CAB39: variants seen among roughly 807,000 people sequenced by gnomAD.
CAB39 encodes calcium binding protein 39.
CAB39 carries 8 observed loss-of-function variants against 40.0 expected under a neutral mutation model. The ratio of observed to expected loss-of-function variants is 0.20; its 90% CI spans 0.12 to 0.36. The LOEUF (loss-of-function observed/expected upper bound fraction) is 0.36. CAB39 is among the 10% of genes least tolerant of loss of function. The pLI, the probability that CAB39 is intolerant of heterozygous loss-of-function variation, is 1.00. For synonymous variants in CAB39, 156 were observed against 141.6 expected (o/e 1.10, Z -0.72); for missense variants, 270 against 401.1 (o/e 0.67, Z 2.79).
chr2:230,792,417 C>T (rs187650351), intron 3 of CAB39, among the ~76,000 whole-genome samples: 59 of 152,306 alleles, frequency 3.9e-4, no homozygotes, highest in African/African-American at 1.4e-3. Context: ...CCAGGATGAT[C>T]TCTCTGTCTG....
chr2:230,792,366 T>C (rs1241694359), intron 3 of CAB39, among the ~76,000 whole-genome samples: 1 of 152,204 alleles, frequency 6.6e-6, no homozygotes, highest in Non-Finnish European at 1.5e-5. Context: ...TAAGGCTGGT[T>C]CTTAGAGATT....
At chr2:230,769,063 G>T (rs1055163625) in intron 2 of CAB39, among the ~76,000 whole-genome samples, 1 of 151,988 alleles carries the variant, frequency 6.6e-6, no homozygotes, top group Non-Finnish European at 1.5e-5. Flanking sequence ...AATGGAAAAA[G>T]ATAAACTTTG....
intron 5 of CAB39, among the ~76,000 whole-genome samples, chr2:230,805,250 TGGGGTGGC>T (rs1044233349): frequency 3.9e-5 from 5 of 129,244 alleles, no homozygotes; most frequent in South Asian, 2.4e-4. Context: ...GGGCCTGTCA[TGGGGTGGC>T]GGGGTGGGGG....
intron 1 of CAB39, chr2:230,713,898 G>A (rs974361396): frequency 1.3e-5 from 2 of 152,338 alleles, no homozygotes; most frequent in African/African-American, 4.8e-5. Flanking sequence ...GGAAGGAGGT[G>A]ATAAGTCCTG....
chr2:230,767,415 G>A lies in CAB39; in HGVS notation c.114+7300G>A, dbSNP rs533286682. On this transcript the variant is annotated intron_variant, in intron 2 of 8. Coordinates refer to ENST00000258418, the MANE Select transcript of CAB39 (RefSeq NM_016289.4). ...TTTCTCTGCCCTGGATTACTGTAGT[G>A]TCCTGCTCACTGCTTCACTGGTCTC... Among the ~76,000 whole-genome samples the A allele has an allele frequency of 1.9e-4, 29 of 152,280 alleles. No individual in the cohort carries two copies. The South Asian group carries it at 6.0e-3, about 32-fold the overall frequency.
intron 1 of CAB39, among the ~76,000 whole-genome samples, chr2:230,728,018 C>A (rs1694617460): frequency 6.6e-6 from 1 of 152,016 alleles, no homozygotes; most frequent in Non-Finnish European, 1.5e-5. Flanking sequence ...GCAGGAAGAT[C>A]ACCTGAGGTC....
intron 2 of CAB39, among the ~76,000 whole-genome samples, chr2:230,781,856 GTGTTT>G (rs1040049046): frequency 2.6e-5 from 4 of 152,298 alleles, no homozygotes; most frequent in African/African-American, 9.6e-5. Context: ...CCAAGGTTTT[GTGTTT>G]TGTTTTGTTT....
chr2:230,804,757 G>T (rs888453120), intron 5 of CAB39, among the ~76,000 whole-genome samples: 4 of 152,220 alleles, frequency 2.6e-5, no homozygotes, highest in South Asian at 2.1e-4. Context: ...ACAGGTGCTG[G>T]AGAGGATGTG....
intron 1 of CAB39, among the ~76,000 whole-genome samples, chr2:230,721,828 TTTCC>T (rs1201290368): frequency 6.6e-6 from 1 of 152,214 alleles, no homozygotes; most frequent in African/African-American, 2.4e-5. Flanking sequence ...GCACATTATA[TTTCC>T]TTCCTTCAAG....
intron 5 of CAB39, 80 bp downstream of exon 5, chr2:230,798,977 A>G (rs944673364): frequency 9.8e-5 from 106 of 1,083,050 alleles, no homozygotes; most frequent in Non-Finnish European, 1.3e-4. Context: ...GCCCTCCTAA[A>G]TCTACACGTG....
chr2:230,725,235 C>G, intron 1 of CAB39: 1 of 1,590,600 alleles, frequency 6.3e-7, no homozygotes, highest in Non-Finnish European at 8.6e-7. Context: ...CGGTAGAGGT[C>G]TTCATCTTTC....
At chr2:230,813,300 G>A (rs1029367020) in intron 6 of CAB39, among the ~76,000 whole-genome samples, 1 of 152,190 alleles carries the variant, frequency 6.6e-6, no homozygotes, top group African/African-American at 2.4e-5. Flanking sequence ...CCATCCAGCA[G>A]TGCCACTCTT....
chr2:230,782,957 C>T (rs1387041193), intron 2 of CAB39, among the ~76,000 whole-genome samples: 3 of 149,746 alleles, frequency 2.0e-5, no homozygotes, highest in Admixed American at 1.3e-4. Flanking sequence ...GCACTACAGG[C>T]GCTGACCACC....
chr2:230,752,322 C>T (rs913496341), intron 1 of CAB39: 1 of 151,998 alleles, frequency 6.6e-6, no homozygotes, highest in Non-Finnish European at 1.5e-5. Flanking sequence ...ACATCTCTGT[C>T]GTAGTCCATT....
chr2:230,757,495 C>T (rs1695212909), intron 1 of CAB39, among the ~76,000 whole-genome samples: 1 of 152,192 alleles, frequency 6.6e-6, no homozygotes, highest in South Asian at 2.1e-4. Flanking sequence ...CATGCCTCCC[C>T]TTGCCCACAC....
intron 2 of CAB39, among the ~76,000 whole-genome samples, chr2:230,784,257 C>T (rs1695749085): frequency 1.3e-5 from 2 of 152,076 alleles, no homozygotes; most frequent in Non-Finnish European, 2.9e-5. Flanking sequence ...CGGAACAAGG[C>T]AGGATATCAG....
chr2:230,748,831 A>AAAATATATATATATATAT (rs1386799920), intron 1 of CAB39, among the ~76,000 whole-genome samples: 1 of 28,490 alleles, frequency 3.5e-5, no homozygotes, highest in Non-Finnish European at 6.4e-5. Context: ...AAAAAAAAAA[A>AAAATATATATATATATAT]ATATATATAT....
chr2:230,783,271 A>G (rs1472719262), intron 2 of CAB39, among the ~76,000 whole-genome samples: 1 of 152,190 alleles, frequency 6.6e-6, no homozygotes, highest in African/African-American at 2.4e-5. Context: ...AATGGCCAGC[A>G]TTGAATCACT....
intron 1 of CAB39, among the ~76,000 whole-genome samples, chr2:230,724,844 G>A (rs112848421): frequency 0.014 from 2,171 of 150,746 alleles, 55 homozygotes; most frequent in African/African-American, 0.049. Context: ...GAGCCAAATG[G>A]TATCAAACGG....
Sources: gnomAD v4.1 joint callset for allele counts (sites outside exome capture counted in the v4.1 genomes callset) on GRCh38, gnomAD v4.1.1 for gene constraint, MANE v1.5 for transcripts, NCBI Gene and HGNC (gene_info 2026-07-23, HGNC 2026-07-21) for gene names.